The following SHANK1 variants were observed in gnomAD, a reference collection of about 807,000 sequenced individuals.
SHANK1 encodes the protein SH3 and multiple ankyrin repeat domains protein 1.
SHANK1 carries 35 observed loss-of-function variants against 165.6 expected under a neutral mutation model. That is an observed-to-expected ratio of 0.21 (90% CI 0.16 to 0.28). The LOEUF is 0.28. Among genes scored for constraint, SHANK1 ranks in the 10% least tolerant of loss-of-function variants. The pLI, the probability that SHANK1 is intolerant of heterozygous loss-of-function variation, is 1.00. For synonymous variants in SHANK1, 1,428 were observed against 1,384.8 expected, an observed-to-expected ratio of 1.03 and a Z score of -0.69; for missense variants, 2,681 against 3,036.4, an observed-to-expected ratio of 0.88 and a Z score of 2.75.
chr19:50,704,357 C>T (rs920683303), intron 9 of SHANK1, 80 bp downstream of exon 9: 1 of 1,405,864 alleles, frequency 7.1e-7, no homozygotes, highest in African/African-American at 1.4e-5. Context: ...TCCTCATTGT[C>T]CCCTTCCTTA....
At chr19:50,705,350 A>T (rs11673651) in intron 8 of SHANK1, among the ~76,000 whole-genome samples, 35,893 of 152,108 alleles carry the variant, frequency 0.24, 5,698 homozygotes, top group African/African-American at 0.45. Context: ...TCAAAAAAAA[A>T]TAATAATTTC....
At position 50,668,753 on chromosome 19, in the gene SHANK1, G is replaced by T; in HGVS notation, c.3207C>A (p.Ser1069Arg). 7.8e-7 allele frequency: 1 copy of T among 1,276,148 alleles called. No individual in the cohort carries two copies. The highest frequency in any genetic ancestry group is 9.8e-7 in the Non-Finnish European group (1 of 1,018,100). 79.1% of individuals were successfully genotyped at this position (1,276,148 alleles called of 1,614,324 possible). The change falls in exon 23 of 24, where the codon AGC (serine) becomes AGA (arginine). Residue 1069 changes from serine to arginine, a missense_variant. Coordinates refer to ENST00000293441, the MANE Select transcript of SHANK1 (RefSeq NM_016148.5). ...PGAPSPSHHG[S>R]AGGGGGSSQG... ...GGGAGGAGCCGCCGCCCCCGCCCGC[G>T]CTGCCGTGGTGCGATGGGGACGGGG...
At position 50,718,498 on chromosome 19, in the gene SHANK1, G is replaced by A; in HGVS notation, c.-44+908C>T. 6.6e-6 allele frequency among the ~76,000 whole-genome samples: 1 copy of A among 152,160 alleles called. No homozygotes were observed. Among genetic ancestry groups the A allele is most frequent in the South Asian group, 2.1e-4 (1 of 4,836 alleles). On this transcript the variant is annotated intron_variant, in intron 1 of 23. Coordinates refer to ENST00000293441, the MANE Select transcript of SHANK1 (RefSeq NM_016148.5). This position sits in a 1 kb window ranked among gnomAD's most constrained non-coding sequence, Gnocchi z 5.1. ...GCCCCAGCCCCCCCGGGCCGGCTCC[G>A]GCCCCTCCCCCTCAGGGCTCGCGGG...
Position 50,668,124 on chromosome 19 carries a change from C to T in SHANK1, c.3836G>A (p.Gly1279Asp). The T allele has an allele frequency of 1.4e-6, 2 of 1,475,298 alleles. No homozygotes were observed. The highest frequency in any genetic ancestry group is 2.4e-5 in the Admixed American group (1 of 42,474). The allele number at this position is 1,475,298 out of a possible 1,614,324, so 91.4% of individuals were successfully genotyped here. The change falls in exon 23 of 24, where the codon GGC (glycine) becomes GAC (aspartate). Residue 1279 changes from glycine (G) to aspartate (D), a missense_variant. Physicochemically the swap from Gly to Asp is moderately conservative, Grantham distance 94. Coordinates refer to ENST00000293441, the MANE Select transcript of SHANK1 (RefSeq NM_016148.5). ...DGGLGTGAAP[G>D]PRLRHSKSID... ...GGATTTGGAGTGGCGCAGCCGCGGG[C>T]CCGGGGCCGCCCCTGTGCCCAGCCC...
chr19:50,711,559 A>G (rs2089011097), intron 7 of SHANK1, 72 bp from the exon 8 acceptor site: 4 of 1,116,814 alleles, frequency 3.6e-6, no homozygotes, highest in Middle Eastern at 2.0e-4. Flanking sequence ...GAGTCTGTCT[A>G]TGACCTGTGC....
Position 50,716,789 on chromosome 19 carries a change from CCCTGGCCCCGGGTCCCCCGGGGGCCTCGA to C in SHANK1, c.102_130del (p.Arg35GlnfsTer6). 1.9e-6 allele frequency: 3 copies of C among 1,602,002 alleles called. No homozygotes were observed. Among genetic ancestry groups the C allele is most frequent in the Admixed American group, 1.8e-5 (1 of 56,768 alleles). ...GGCCAGGCTACCAGGTGCCCCACTG[CCCTGGCCCCGGGTCCCCCGGGGGCCTCGA>C]CCTGGCCCGTCTGGGGAGCTGTCGG... On this transcript the variant is annotated frameshift_variant, in exon 2 of 24. Coordinates refer to ENST00000293441, the MANE Select transcript of SHANK1 (RefSeq NM_016148.5). LOFTEE classifies it high-confidence loss of function. The surrounding 1 kb of genome is among the most constrained non-coding windows in gnomAD (Gnocchi z 8.4).
chr19:50,693,938 G>A (rs1462948789), intron 15 of SHANK1, among the ~76,000 whole-genome samples: 1 of 152,010 alleles, frequency 6.6e-6, no homozygotes, highest in Non-Finnish European at 1.5e-5. Flanking sequence ...GGGCCTGTGG[G>A]GGAGGGGTAG....
chr19:50,673,964 A>T (rs1985893543), intron 21 of SHANK1, among the ~76,000 whole-genome samples: 1 of 151,870 alleles, frequency 6.6e-6, no homozygotes, highest in Non-Finnish European at 1.5e-5. Context: ...GTTAATTTTT[A>T]AATTTTTTTG....
In SHANK1 at chr19:50,666,185, C is replaced by T. The variant is rs763958004; in HGVS notation, c.5768+7G>A. Reference sequence around the variant, plus strand: ...GCCTCCCTTGTTGGCCACCAGCCCCCGCTTACCTCTGCCGCTGCAGGGAGG... The same window carrying T: ...GCCTCCCTTGTTGGCCACCAGCCCCTGCTTACCTCTGCCGCTGCAGGGAGG... On this transcript the variant is annotated splice_region_variant and intron_variant, in intron 23 of 23. Coordinates refer to ENST00000293441, the MANE Select transcript of SHANK1 (RefSeq NM_016148.5). 47 of 1,579,056 alleles carry T rather than the reference C, an allele frequency of 3.0e-5. No homozygotes were observed. Among genetic ancestry groups the T allele is most frequent in the Middle Eastern group, 4.2e-4 (2 of 4,760 alleles).
intron 15 of SHANK1, 52 bp from the exon 16 acceptor site, chr19:50,689,331 A>G (rs746292564): frequency 7.5e-7 from 1 of 1,330,542 alleles, no homozygotes; most frequent in South Asian, 1.2e-5. Context: ...TGGAGAAGAC[A>G]TCATGAGACA....
intron 22 of SHANK1, among the ~76,000 whole-genome samples, 183 bp from the exon 23 acceptor site, chr19:50,669,468 G>A (rs949451128): frequency 1.3e-5 from 2 of 152,120 alleles, no homozygotes; most frequent in Admixed American, 1.3e-4. Flanking sequence ...TCATACAGAG[G>A]TACAGGTTGT....
chr19:50,668,822 G>T lies in SHANK1; in HGVS notation c.3138C>A (p.Ser1046Arg). The part of the protein sequence containing the change: ...PPRLALGPQP[S>R]LRGWRGGGPS... Reference sequence around the variant, plus strand: ...GCCCGCCGCCCCTCCAGCCTCGCAGGCTGGGCTGGGGCCCCAGAGCCAGGC... The same window carrying T: ...GCCCGCCGCCCCTCCAGCCTCGCAGTCTGGGCTGGGGCCCCAGAGCCAGGC... The change falls in exon 23 of 24, where the codon AGC (serine) becomes AGA (arginine). Residue 1046 changes from serine (S) to arginine (R), a missense_variant. Physicochemically the swap from Ser to Arg is moderately radical, Grantham distance 110. Around this residue, in one of 10 missense-constraint regions of SHANK1, gnomAD observed 1,713 missense variants for 1,630.2 expected, o/e 1.05. Coordinates refer to ENST00000293441, the MANE Select transcript of SHANK1 (RefSeq NM_016148.5). 2 of 1,269,382 alleles carry T rather than the reference G, an allele frequency of 1.6e-6. No individual in the cohort carries two copies. The highest frequency in any genetic ancestry group is 2.0e-6 in the Non-Finnish European group (2 of 1,012,748). The allele number at this position is 1,269,382 out of a possible 1,614,324, so 78.6% of individuals were successfully genotyped here.
At chr19:50,709,438 G>A (rs2123192446) in intron 8 of SHANK1, among the ~76,000 whole-genome samples, 1 of 152,296 alleles carries the variant, frequency 6.6e-6, no homozygotes, top group Middle Eastern at 3.4e-3. Context: ...ACTGCGCCCG[G>A]CCTGCATGGT....
intron 15 of SHANK1, among the ~76,000 whole-genome samples, chr19:50,693,370 T>C (rs1986605003): frequency 6.8e-6 from 1 of 146,046 alleles, no homozygotes; most frequent in African/African-American, 2.6e-5. Flanking sequence ...ACCCCTCTAG[T>C]CCCTCCCCCT....
At chr19:50,673,854 C>T (rs1320885019) in intron 21 of SHANK1, among the ~76,000 whole-genome samples, 2 of 147,114 alleles carry the variant, frequency 1.4e-5, no homozygotes, top group Admixed American at 7.0e-5. Flanking sequence ...AGTGCAGTGG[C>T]GTTAACACGG....
rs2088898388 is a variant in SHANK1, at chr19:50,703,646, C to T, written c.1407G>A (p.Gln469=). The T allele has an allele frequency of 6.5e-7, 1 of 1,528,704 alleles. No homozygotes were observed. Among genetic ancestry groups the T allele is most frequent in the Non-Finnish European group, 8.8e-7 (1 of 1,138,502 alleles). The allele number at this position is 1,528,704 out of a possible 1,614,324, so 94.7% of individuals were successfully genotyped here. A position where few individuals can be genotyped will look rare whatever the true frequency, so the allele number is the denominator to read the frequency against. Residue 469 remains glutamine, a synonymous_variant, in exon 11 of 24, where the codon CAG becomes CAA. Transcript: ENST00000293441. Reference sequence around the variant, plus strand: ...TGGGGGCCGAGGGCTGCGACTGGCCCTGGGACCCTGAGGTAGGGCCAGGGG... The same window carrying T: ...TGGGGGCCGAGGGCTGCGACTGGCCTTGGGACCCTGAGGTAGGGCCAGGGG... ...SGAPGPTSGS[Q]GQSQPSAPTT...
Position 50,688,024 on chromosome 19 carries a change from C to T in SHANK1, c.2207G>A (p.Arg736Gln), listed in dbSNP as rs1208223493. The change falls in exon 18 of 24, where the codon CGA becomes CAA. Residue 736 changes from arginine (R) to glutamine (Q), a missense_variant. Around this residue, in one of 10 missense-constraint regions of SHANK1, gnomAD observed 147 missense variants for 256.5 expected, o/e 0.57. Coordinates refer to ENST00000293441, the MANE Select transcript of SHANK1 (RefSeq NM_016148.5). The surrounding 1 kb of genome is among the most constrained non-coding windows in gnomAD (Gnocchi z 6.7). Reference protein sequence around the residue: ...NGQNVVKVGHRQVVNMIRQGG... With the variant: ...NGQNVVKVGHQQVVNMIRQGG... ...TTGGCGGATCATGTTCACCACCTGTCGGTGGCCGACCTTCACCACATTCTG... is the reference window on the plus strand; with the variant it reads ...TTGGCGGATCATGTTCACCACCTGTTGGTGGCCGACCTTCACCACATTCTG... The T allele has an allele frequency of 5.6e-6, 9 of 1,613,994 alleles. No homozygotes were observed. The highest frequency in any genetic ancestry group is 2.7e-5 in the African/African-American group (2 of 74,940).
chr19:50,715,171 G>A (rs2089055761), intron 4 of SHANK1, among the ~76,000 whole-genome samples: 1 of 152,070 alleles, frequency 6.6e-6, no homozygotes, highest in Non-Finnish European at 1.5e-5. Flanking sequence ...GGACTGGCGG[G>A]CAAGGTACCA....
At chr19:50,712,546 G>A (rs1487926559) in intron 6 of SHANK1, among the ~76,000 whole-genome samples, 1 of 152,240 alleles carries the variant, frequency 6.6e-6, no homozygotes, top group Non-Finnish European at 1.5e-5. Flanking sequence ...TCTCAAAGAA[G>A]GGGCACAGCA....
Sources: gnomAD v4.1 joint callset for allele counts (sites outside exome capture counted in the v4.1 genomes callset) on GRCh38, gnomAD v4.1.1 for gene constraint, gnomAD v4.1.1 regional missense constraint, Gnocchi (gnomAD v3.1) non-coding constraint, MANE v1.5 for transcripts, NCBI Gene and HGNC (gene_info 2026-07-23, HGNC 2026-07-21) for gene names.